The following GSDMA variants were observed in gnomAD, a reference collection of about 807,000 sequenced individuals.
GSDMA encodes gasdermin-A.
In GSDMA, 55 loss-of-function variants were observed where a neutral mutation model predicts 54.3. That is an observed-to-expected ratio of 1.01 (90% CI 0.82 to 1.27). The LOEUF is 1.27. GSDMA is among the 50% of genes most tolerant of loss of function. The pLI, the probability that GSDMA is intolerant of heterozygous loss-of-function variation, is 0.00. For synonymous variants in GSDMA, 211 were observed against 224.7 expected (o/e 0.94, Z 0.54); for missense variants, 542 against 542.6 (o/e 1.00, Z 0.01).
chr17:39,976,866 C>T lies in GSDMA; in HGVS notation c.1146C>T (p.Phe382=). 2 of 1,613,938 alleles carry T rather than the reference C, an allele frequency of 1.2e-6. No individual in the cohort carries two copies. Among genetic ancestry groups the T allele is most frequent in the Non-Finnish European group, 1.7e-6 (2 of 1,179,886 alleles). ...QNFLLDKEGV[F]PLQPELLSSL... ...TCCTGCTGGATAAAGAGGGTGTTTT[C>T]CCCCTGCAACCTGAGCTGCTCTCCT... Residue 382 remains phenylalanine, a synonymous_variant, in exon 12 of 12, where the codon TTC becomes TTT. Transcript: ENST00000301659.
chr17:39,966,810 A>G (rs763179918), intron 3 of GSDMA, among the ~76,000 whole-genome samples: 13 of 152,204 alleles, frequency 8.5e-5, no homozygotes, highest in Non-Finnish European at 1.9e-4. Context: ...CTCTAAGACT[A>G]TGCAATACAC....
chr17:39,970,683 ACTCT>A, intron 4 of GSDMA, 36 bp downstream of exon 4: 1 of 1,367,536 alleles, frequency 7.3e-7, no homozygotes, highest in African/African-American at 1.6e-5. Flanking sequence ...ACACACACAC[ACTCT>A]CACACTCACA....
intron 9 of GSDMA, 122 bp downstream of exon 9, chr17:39,974,549 A>T: frequency 9.4e-7 from 1 of 1,068,580 alleles, no homozygotes; most frequent in Non-Finnish European, 1.3e-6. Flanking sequence ...TGGCCAGGGG[A>T]GTCCACCTTA....
At position 39,966,383 on chromosome 17, in the gene GSDMA, T is replaced by C. The variant is rs1399611441; in HGVS notation, c.338T>C (p.Leu113Pro). The change falls in exon 3 of 12, where the codon CTG (leucine) becomes CCG (proline). Residue 113 changes from leucine (L) to proline (P), a missense_variant. Leu to Pro is a moderately conservative substitution (Grantham distance 98). Coordinates refer to ENST00000301659, the MANE Select transcript of GSDMA (RefSeq NM_178171.5). ...GTAGLSQNST[L>P]EVQTLSVAPK... is the part of the protein sequence containing the mutation. ...GCAGGGCTCTCGCAGAACAGCACTC[T>C]GGAGGTCCAGACACTCAGTGTGGCT... is the stretch of plus-strand genomic sequence containing the variant. The C allele has an allele frequency of 6.2e-7, 1 of 1,613,764 alleles. No homozygotes were observed. The highest frequency in any genetic ancestry group is 1.1e-5 in the South Asian group (1 of 91,054).
intron 1 of GSDMA, among the ~76,000 whole-genome samples, chr17:39,963,732 T>C (rs1979514085): frequency 6.6e-6 from 1 of 152,104 alleles, no homozygotes; most frequent in African/African-American, 2.4e-5. Context: ...CAGGCGCCTG[T>C]AATCCCAGCT....
intron 9 of GSDMA, among the ~76,000 whole-genome samples, 156 bp downstream of exon 9, chr17:39,974,583 C>T (rs1002602781): frequency 3.9e-5 from 6 of 152,154 alleles, no homozygotes; most frequent in African/African-American, 7.2e-5. Context: ...AGGCTGGCCA[C>T]GTGCCCCAAG....
At chr17:39,966,552 G>C (rs950579472) in intron 3 of GSDMA, 115 bp downstream of exon 3, 1 of 943,586 alleles carries the variant, frequency 1.1e-6, no homozygotes, top group African/African-American at 1.7e-5. Context: ...TTGCCAATGT[G>C]GTCATGACAG....
In GSDMA at chr17:39,977,723, C is replaced by T. The variant is rs1025830355; in HGVS notation, c.*665C>T. 3 of 152,128 alleles carry T rather than the reference C, an allele frequency of 2.0e-5. No individual in the cohort carries two copies. The highest frequency in any genetic ancestry group is 4.8e-5 in the African/African-American group (2 of 41,386). 9.4% of individuals were successfully genotyped at this position (152,128 alleles called of 1,614,324 possible). ...CTCCTACTTATACTTCCCCAAAAAA[C>T]AAGCTTTACTGGAATTAATGGAAAA... On this transcript the variant is annotated 3_prime_UTR_variant, in exon 12 of 12. Coordinates refer to ENST00000301659, the MANE Select transcript of GSDMA (RefSeq NM_178171.5).
At position 39,974,354 on chromosome 17, in the gene GSDMA, G is replaced by T; in HGVS notation, c.833G>T (p.Gly278Val). The change falls in exon 9 of 12, where the codon GGG (glycine) becomes GTG (valine). Residue 278 changes from glycine (G) to valine (V), a missense_variant. By Grantham distance (109) the Gly-to-Val change is moderately radical. Transcript: ENST00000301659. ...CAAGTGGAGAAGCTGAGCCGAGTAG[G>T]GCAAAGCTCCCTGCTCAGCTCCCTC... is the stretch of plus-strand genomic sequence containing the variant. ...TQQVEKLSRV[G>V]QSSLLSSLSK... 1 of 1,605,772 alleles carries T rather than the reference G, an allele frequency of 6.2e-7. No homozygotes were observed. The highest frequency in any genetic ancestry group is 8.5e-7 in the Non-Finnish European group (1 of 1,176,148).
chr17:39,965,285 GGAAA>G (rs56327227), intron 1 of GSDMA, among the ~76,000 whole-genome samples: 15 of 112,318 alleles, frequency 1.3e-4, no homozygotes, highest in African/African-American at 2.9e-4. Context: ...AAGGAAGGAA[GGAAA>G]GAAAGAAAGA....
intron 1 of GSDMA, 133 bp from the exon 2 acceptor site, chr17:39,965,550 T>C (rs568003900): frequency 1.1e-5 from 7 of 649,424 alleles, no homozygotes; most frequent in Admixed American, 1.0e-4. Flanking sequence ...CATGAGACAA[T>C]CCAGGCATCT....
chr17:39,976,095 C>G (rs932327322), intron 11 of GSDMA, 98 bp downstream of exon 11: 9 of 776,866 alleles, frequency 1.2e-5, no homozygotes, highest in African/African-American at 5.3e-5. Flanking sequence ...CTGGAGGATC[C>G]CTGTCTTATC....
At chr17:39,976,020 TG>T (rs1301638220) in intron 11 of GSDMA, 23 bp downstream of exon 11, 18 of 1,553,904 alleles carry the variant, frequency 1.2e-5, no homozygotes, top group South Asian at 2.4e-5. Context: ...CAGCAGATGC[TG>T]GGGAGAGTCT....
chr17:39,975,830 T>C (rs1980173725), intron 10 of GSDMA, 94 bp from the exon 11 acceptor site: 1 of 917,648 alleles, frequency 1.1e-6, no homozygotes, highest in African/African-American at 1.7e-5. Context: ...TTACATCCAA[T>C]GAATGAAGGC....
chr17:39,967,834 G>C (rs992574934), intron 3 of GSDMA, among the ~76,000 whole-genome samples: 1 of 151,292 alleles, frequency 6.6e-6, no homozygotes, highest in African/African-American at 2.4e-5. Context: ...CACTACGCCC[G>C]GATAATTTTT....
intron 7 of GSDMA, 25 bp from the exon 8 acceptor site, chr17:39,973,785 C>CT (rs147608267): frequency 0.011 from 14,763 of 1,381,888 alleles, 38 homozygotes; most frequent in African/African-American, 0.037. Context: ...GCATTCTTAT[C>CT]TTTTTTTTTT....
chr17:39,968,535 A>G (rs752650100), intron 3 of GSDMA, among the ~76,000 whole-genome samples: 11 of 150,486 alleles, frequency 7.3e-5, no homozygotes, highest in Admixed American at 2.0e-4. Flanking sequence ...TTTGGAAGAG[A>G]TGGGGTTTTA....
chr17:39,972,337 A>C (rs1382428238), intron 6 of GSDMA, among the ~76,000 whole-genome samples, 161 bp downstream of exon 6: 1 of 152,004 alleles, frequency 6.6e-6, no homozygotes, highest in Admixed American at 6.6e-5. Flanking sequence ...CTTTAGAAAG[A>C]CAGATAGAGG....
intron 7 of GSDMA, among the ~76,000 whole-genome samples, chr17:39,973,516 C>A (rs1225342392): frequency 2.0e-5 from 3 of 151,896 alleles, no homozygotes; most frequent in Non-Finnish European, 4.4e-5. Flanking sequence ...CCCACCTTGG[C>A]CTCCCAAAGT....
Sources: allele counts gnomAD v4.1 joint callset (sites outside exome capture counted in the v4.1 genomes callset), GRCh38; gene constraint gnomAD v4.1.1; transcripts MANE v1.5; gene names NCBI Gene and HGNC (gene_info 2026-07-23, HGNC 2026-07-21).